The following ENPP3 variants were observed in gnomAD, a reference collection of about 807,000 sequenced individuals.
The protein encoded by ENPP3 is ectonucleotide pyrophosphatase/phosphodiesterase family member 3.
ENPP3 carries 104 observed loss-of-function variants against 117.8 expected under a neutral mutation model. That is an observed-to-expected ratio of 0.88 (90% CI 0.75 to 1.04). ENPP3 has a LOEUF of 1.04. Ranked by LOEUF, ENPP3 falls within the 50% of genes least tolerant of loss-of-function variation. The pLI is 0.00. For missense variants in ENPP3, 1,026 were observed against 1,051.9 expected (o/e 0.98, Z 0.34); for synonymous variants, 380 against 349.9 (o/e 1.09, Z -0.96).
rs1778163840 is a variant in ENPP3, at chr6:131,646,902, CTCT to C, written c.155-3120_155-3118del. 2.6e-5 allele frequency among the ~76,000 whole-genome samples: 4 copies of C among 151,180 alleles called. No homozygotes were observed. The South Asian group carries it at 8.4e-4, about 32-fold the overall frequency. On this transcript the variant is annotated intron_variant, in intron 2 of 24. Transcript: ENST00000357639. ...TCATATACTTTTATAAACTGTTTTC[CTCT>C]TCTTTTTGTGAAATTTTGTGGAATT...
intron 1 of ENPP3, among the ~76,000 whole-genome samples, chr6:131,640,916 T>C (rs963705382): frequency 2.6e-5 from 4 of 152,200 alleles, no homozygotes; most frequent in Non-Finnish European, 5.9e-5. Context: ...TTATCCTAAG[T>C]GGTTTGTATG....
At chr6:131,652,449 TTG>T in intron 3 of ENPP3, 91 bp from the exon 4 acceptor site, 1 of 1,249,270 alleles carries the variant, frequency 8.0e-7, no homozygotes, top group Non-Finnish European at 1.1e-6. Flanking sequence ...AAGAATTTGA[TTG>T]TGTTATTATA....
rs186362237 is a variant in ENPP3 at position 131,730,784 on chromosome 6, G to A, written c.1954-2804G>A. Among the ~76,000 whole-genome samples the A allele has an allele frequency of 8.1e-4, 123 of 152,052 alleles. 1 individual carries two copies. The East Asian group carries it at 0.02, about 25-fold the overall frequency. ...ACAAAAATTAGCTGGGCGTGGTGGC[G>A]CATGCCTGTAATCCCAGCTACTTGG... On this transcript the variant is annotated intron_variant, in intron 20 of 24. Coordinates refer to ENST00000357639, the MANE Select transcript of ENPP3 (RefSeq NM_005021.5).
intron 2 of ENPP3, among the ~76,000 whole-genome samples, chr6:131,646,572 A>G (rs1307146791): frequency 6.6e-6 from 1 of 151,984 alleles, no homozygotes. Flanking sequence ...AGGCAGGGTG[A>G]GTAGTGACTG....
intron 24 of ENPP3, 63 bp downstream of exon 24, chr6:131,740,443 A>G (rs1780504387): frequency 7.7e-7 from 1 of 1,297,584 alleles, no homozygotes; most frequent in African/African-American, 1.5e-5. Flanking sequence ...TTGGGTTCTC[A>G]TAAAAGTGGC....
Position 131,733,614 on chromosome 6 carries a change from T to C in ENPP3, c.1980T>C (p.Thr660=), listed in dbSNP as rs569558645. 18 of 1,612,836 alleles carry C rather than the reference T, an allele frequency of 1.1e-5. No homozygotes were observed. The East Asian group carries it at 3.6e-4, about 32-fold the overall frequency. ...QLGDTSPLPP[T]VPDCLRADVR... is the part of the protein sequence containing the mutation. ...GAGACACATCGCCTCTGCCTCCCAC[T>C]GTCCCAGACTGTCTGCGGGCTGATG... The change falls in exon 21 of 25, where the codon ACT becomes ACC. Residue 660 remains threonine (T), a synonymous_variant. Transcript: ENST00000357639.
In ENPP3 at chr6:131,747,294, C is replaced by T. The variant is rs1369782474; in HGVS notation, c.*338C>T. ...ATTTTTCTGCCCAGAATTATCTAAACAAAAGGGAGAACAAAAGAAGTATGT... is the reference window on the plus strand; with the variant it reads ...ATTTTTCTGCCCAGAATTATCTAAATAAAAGGGAGAACAAAAGAAGTATGT... On this transcript the variant is annotated 3_prime_UTR_variant, in exon 25 of 25. Coordinates refer to ENST00000357639, the MANE Select transcript of ENPP3 (RefSeq NM_005021.5). 6.4e-6 allele frequency: 1 copy of T among 156,206 alleles called. No homozygotes were observed. The highest frequency in any genetic ancestry group is 2.4e-5 in the African/African-American group (1 of 41,584). 9.7% of individuals were successfully genotyped at this position (156,206 alleles called of 1,614,324 possible).
At chr6:131,693,928 A>G (rs1486609282) in intron 15 of ENPP3, among the ~76,000 whole-genome samples, 2 of 152,184 alleles carry the variant, frequency 1.3e-5, no homozygotes, top group Non-Finnish European at 2.9e-5. Context: ...CAGCAGACAG[A>G]TGATATCAGC....
intron 15 of ENPP3, chr6:131,701,408 A>T: frequency 6.2e-7 from 1 of 1,611,568 alleles, no homozygotes; most frequent in Non-Finnish European, 8.5e-7. Context: ...CCATATCCCT[A>T]TGACAGAGGA....
chr6:131,735,598 T>TA (rs1005262716), intron 21 of ENPP3, among the ~76,000 whole-genome samples: 4 of 151,858 alleles, frequency 2.6e-5, no homozygotes, highest in Admixed American at 2.0e-4. Flanking sequence ...TAATAGTAAT[T>TA]AAAAAAAATA....
chr6:131,697,439 G>A (rs1779432848), intron 15 of ENPP3, among the ~76,000 whole-genome samples: 1 of 142,792 alleles, frequency 7.0e-6, no homozygotes, highest in African/African-American at 2.6e-5. Flanking sequence ...GGCGGGAAGG[G>A]GGGGTGGTTT....
At chr6:131,687,964 A>AT (rs145414461) in intron 14 of ENPP3, among the ~76,000 whole-genome samples, 11,472 of 152,130 alleles carry the variant, frequency 0.075, 914 homozygotes, top group African/African-American at 0.2. Context: ...TAGATGTTGC[A>AT]TTTTTTTACC....
chr6:131,656,547 C>A (rs895544550), intron 5 of ENPP3, among the ~76,000 whole-genome samples: 7 of 152,094 alleles, frequency 4.6e-5, no homozygotes, highest in Admixed American at 1.3e-4. Context: ...GCAGGCAGAT[C>A]ACGAAGTCAG....
chr6:131,745,338 T>C, intron 24 of ENPP3, among the ~76,000 whole-genome samples: 1 of 152,190 alleles, frequency 6.6e-6, no homozygotes, highest in South Asian at 2.1e-4. Context: ...CAAAAAGTAT[T>C]TCCTCTTACT....
intron 2 of ENPP3, among the ~76,000 whole-genome samples, chr6:131,646,526 T>G (rs1778156400): frequency 6.6e-6 from 1 of 152,084 alleles, no homozygotes. Flanking sequence ...CCACTCCTTA[T>G]TCCTCCAGAT....
Position 131,737,485 on chromosome 6 carries a change from C to A in ENPP3, c.2167+53C>A, listed in dbSNP as rs558408008. On this transcript the variant is annotated intron_variant, in intron 22 of 24. Coordinates refer to ENST00000357639, the MANE Select transcript of ENPP3 (RefSeq NM_005021.5). ...TAAAATAGTTAAGTGACTCCTTGAACTTCCAAACTAAACACATATTTTTTT... is the reference window on the plus strand; with the variant it reads ...TAAAATAGTTAAGTGACTCCTTGAAATTCCAAACTAAACACATATTTTTTT... The A allele has an allele frequency of 7.8e-5, 77 of 990,744 alleles. No homozygotes were observed. The African/African-American group carries it at 1.3e-3, about 16-fold the overall frequency. 61.4% of individuals were successfully genotyped at this position (990,744 alleles called of 1,614,324 possible). A position where few individuals can be genotyped will look rare whatever the true frequency, so the allele number is the denominator to read the frequency against.
chr6:131,740,129 T>C, intron 23 of ENPP3, 95 bp from the exon 24 acceptor site: 1 of 858,144 alleles, frequency 1.2e-6, no homozygotes, highest in Non-Finnish European at 1.6e-6. Context: ...ATTATTATTT[T>C]ACATGTATAT....
At chr6:131,687,925 C>T (rs539431527) in intron 14 of ENPP3, among the ~76,000 whole-genome samples, 5 of 152,224 alleles carry the variant, frequency 3.3e-5, no homozygotes, top group Middle Eastern at 3.4e-3. Context: ...CAGTTACAGG[C>T]TTACCTTGCT....
chr6:131,660,275 G>T (rs1191168573), intron 6 of ENPP3, among the ~76,000 whole-genome samples: 3 of 152,158 alleles, frequency 2.0e-5, no homozygotes, highest in African/African-American at 7.2e-5. Flanking sequence ...TATTAAGGGA[G>T]CCCAGGGCCC....
Sources: gnomAD v4.1 joint callset for allele counts (sites outside exome capture counted in the v4.1 genomes callset) on GRCh38, gnomAD v4.1.1 for gene constraint, MANE v1.5 for transcripts, NCBI Gene and HGNC (gene_info 2026-07-23, HGNC 2026-07-21) for gene names.